MGAT4C: variants seen among roughly 807,000 people sequenced by gnomAD.
MGAT4C encodes alpha-1,3-mannosyl-glycoprotein 4-beta-N-acetylglucosaminyltransferase C.
A neutral mutation model predicts 40.1 loss-of-function variants in MGAT4C; 19 were observed. That is an observed-to-expected ratio of 0.47 (90% confidence interval 0.33 to 0.70). The LOEUF is 0.70. Ranked by LOEUF, MGAT4C falls within the 30% of genes least tolerant of loss-of-function variation. MGAT4C has a pLI of 0.02. For missense variants in MGAT4C, 491 were observed against 563.2 expected (o/e 0.87, Z 1.30); for synonymous variants, 181 against 187.1 (o/e 0.97, Z 0.27).
intron 1 of MGAT4C, among the ~76,000 whole-genome samples, chr12:86,224,442 G>C (rs1191221469): frequency 6.6e-6 from 1 of 152,086 alleles, no homozygotes; most frequent in Admixed American, 6.5e-5. Flanking sequence ...CTAGGCTCTA[G>C]ACCAAATGGA....
At chr12:86,691,509 C>T (rs1208518924) in intron 2 of MGAT4C, among the ~76,000 whole-genome samples, 2 of 152,088 alleles carry the variant, frequency 1.3e-5, no homozygotes, top group Non-Finnish European at 2.9e-5. Context: ...ATCCAAAGGG[C>T]TATACCCTAC....
intron 3 of MGAT4C, among the ~76,000 whole-genome samples, chr12:85,985,428 T>C (rs1885100029): frequency 6.6e-6 from 1 of 152,194 alleles, no homozygotes; most frequent in African/African-American, 2.4e-5. Flanking sequence ...AAATCAAGAT[T>C]CATTCTGAAT....
chr12:85,982,864 A>C (rs1884767785), intron 4 of MGAT4C, among the ~76,000 whole-genome samples: 1 of 152,220 alleles, frequency 6.6e-6, no homozygotes, highest in Non-Finnish European at 1.5e-5. Flanking sequence ...AAAGAGGAAA[A>C]GACACAGAAA....
At chr12:86,764,372 G>T (rs1468756254) in intron 1 of MGAT4C, among the ~76,000 whole-genome samples, 1 of 152,284 alleles carries the variant, frequency 6.6e-6, no homozygotes, top group African/African-American at 2.4e-5. Flanking sequence ...AGCTCGAACT[G>T]GGTGGAGCCC....
intron 2 of MGAT4C, among the ~76,000 whole-genome samples, chr12:86,704,558 A>G (rs1217834484): frequency 2.0e-5 from 3 of 152,198 alleles, no homozygotes; most frequent in Non-Finnish European, 2.9e-5. Context: ...ATAGAATAAC[A>G]TATGAGGGAG....
At chr12:86,270,900 A>C (rs1164727158) in intron 4 of MGAT4C, among the ~76,000 whole-genome samples, 1 of 152,202 alleles carries the variant, frequency 6.6e-6, no homozygotes, top group Non-Finnish European at 1.5e-5. Flanking sequence ...AAAGATGACA[A>C]GAGCTTACAT....
At chr12:86,103,327 C>T (rs1875474410) in intron 1 of MGAT4C, among the ~76,000 whole-genome samples, 1 of 151,918 alleles carries the variant, frequency 6.6e-6, no homozygotes, top group Non-Finnish European at 1.5e-5. Flanking sequence ...ATCCAGTGGC[C>T]CCAAGTATAT....
chr12:86,416,967 G>A (rs568704523), intron 3 of MGAT4C, among the ~76,000 whole-genome samples: 11 of 151,996 alleles, frequency 7.2e-5, no homozygotes, highest in South Asian at 2.1e-4. Context: ...AACATGGCCC[G>A]CCACCACTTT....
In MGAT4C at chr12:86,282,394, G is replaced by A. The variant is rs557472908; in HGVS notation, c.-57+51671C>T. Among the ~76,000 whole-genome samples the A allele has an allele frequency of 1.6e-4, 24 of 151,834 alleles. No homozygotes were observed. The East Asian group carries it at 4.4e-3, about 28-fold the overall frequency. ...TGCCTTCTTTTTGGTTTTGAATATTGGAGTTTTCAGTTCTAGAATTTTCAT... is the reference window on the plus strand; with the variant it reads ...TGCCTTCTTTTTGGTTTTGAATATTAGAGTTTTCAGTTCTAGAATTTTCAT... On this transcript the variant is annotated intron_variant, in intron 4 of 7. Coordinates refer to the MGAT4C transcript ENST00000548651.
In MGAT4C at chr12:85,962,875, G is replaced by T. The variant is rs1252473559; in HGVS notation, c.*16414C>A. On this transcript the variant is annotated 3_prime_UTR_variant, in exon 5 of 5. Transcript: ENST00000611864. ...TGACTGAATAGTTAAGTCTAAATGG[G>T]TAAATAGCTGTTTATGTTAGTATTG... is the stretch of plus-strand genomic sequence containing the variant. The T allele has an allele frequency of 6.6e-6, 1 of 151,442 alleles. No homozygotes were observed. Among genetic ancestry groups the T allele is most frequent in the Non-Finnish European group, 1.5e-5 (1 of 67,646 alleles). The allele number at this position is 151,442 out of a possible 1,614,324, so 9.4% of individuals were successfully genotyped here.
rs1178767542 is a variant in MGAT4C, at chr12:86,803,162, G to C, written c.-262+35504C>G. Among the ~76,000 whole-genome samples, 3 of 149,936 alleles carry C rather than the reference G, an allele frequency of 2.0e-5. No homozygotes were observed. In the East Asian group the frequency reaches 5.8e-4, roughly 29 times the overall value. Reference sequence around the variant, plus strand: ...CAAACCTGAGAAAAACAAGCAATGGGGAAAGGATTCCCTATTTAATAAATG... The same window carrying C: ...CAAACCTGAGAAAAACAAGCAATGGCGAAAGGATTCCCTATTTAATAAATG... On this transcript the variant is annotated intron_variant, in intron 1 of 7. Transcript: ENST00000548651.
At chr12:86,410,539 C>A (rs1387589017) in intron 3 of MGAT4C, among the ~76,000 whole-genome samples, 1 of 152,096 alleles carries the variant, frequency 6.6e-6, no homozygotes, top group Non-Finnish European at 1.5e-5. Flanking sequence ...TCCCTAAAAT[C>A]GCTGTTATTC....
At chr12:86,575,522 T>C (rs1030962567) in intron 2 of MGAT4C, among the ~76,000 whole-genome samples, 1 of 151,912 alleles carries the variant, frequency 6.6e-6, no homozygotes, top group Non-Finnish European at 1.5e-5. Flanking sequence ...TCTATCCATG[T>C]TGTTGCAAAT....
chr12:86,203,193 C>T (rs1950113507), intron 1 of MGAT4C, among the ~76,000 whole-genome samples: 1 of 152,060 alleles, frequency 6.6e-6, no homozygotes, highest in African/African-American at 2.4e-5. Context: ...TTTTGTTTAG[C>T]TTTAGTTATG....
chr12:85,983,232 T>G (rs1884818292), intron 4 of MGAT4C, among the ~76,000 whole-genome samples: 1 of 152,216 alleles, frequency 6.6e-6, no homozygotes, highest in Non-Finnish European at 1.5e-5. Flanking sequence ...AAAGTTAACT[T>G]CTAAATTTTA....
At chr12:86,399,563 G>A (rs1956320372) in intron 3 of MGAT4C, among the ~76,000 whole-genome samples, 1 of 151,868 alleles carries the variant, frequency 6.6e-6, no homozygotes, top group East Asian at 2.0e-4. Context: ...TTACAGGTGT[G>A]AGCCACCGTG....
At chr12:86,464,968 G>A (rs1957658610) in intron 2 of MGAT4C, among the ~76,000 whole-genome samples, 1 of 151,928 alleles carries the variant, frequency 6.6e-6, no homozygotes, top group African/African-American at 2.4e-5. Context: ...TAGAAATACT[G>A]AACATTAGTA....
At chr12:86,220,819 G>A (rs1051239455) in intron 1 of MGAT4C, among the ~76,000 whole-genome samples, 2 of 152,180 alleles carry the variant, frequency 1.3e-5, no homozygotes, top group African/African-American at 4.8e-5. Flanking sequence ...ATAGAATAAA[G>A]AGGAATTTGC....
intron 1 of MGAT4C, among the ~76,000 whole-genome samples, chr12:86,073,337 C>G (rs562501018): frequency 1.3e-5 from 2 of 152,234 alleles, no homozygotes; most frequent in Admixed American, 1.3e-4. Flanking sequence ...ATGTCTTTAT[C>G]AGTAGCATGA....
Sources: gnomAD v4.1 joint callset for allele counts (sites outside exome capture counted in the v4.1 genomes callset) on GRCh38, gnomAD v4.1.1 for gene constraint, MANE v1.5 for transcripts, NCBI Gene and HGNC (gene_info 2026-07-23, HGNC 2026-07-21) for gene names.